Variants in HSPB7 observed in about 807,000 individuals in gnomAD.
HSPB7 encodes heat shock protein beta-7.
Under a neutral mutation model 11.0 loss-of-function variants are expected in HSPB7, and 9 were observed. That is an observed-to-expected ratio of 0.82 (90% confidence interval 0.49 to 1.43). The LOEUF is 1.43. HSPB7 is among the 40% of genes most tolerant of loss of function. The probability of loss-of-function intolerance (pLI) is 0.00; values close to 1 mark genes in which losing one functional copy is unlikely to be tolerated. For synonymous variants in HSPB7, 102 were observed against 101.6 expected, an observed-to-expected ratio of 1.00 and a Z score of -0.02; for missense variants, 246 against 243.9, an observed-to-expected ratio of 1.01 and a Z score of -0.06.
chr1:16,017,859 CG>C lies in HSPB7; in HGVS notation c.104del (p.Pro35ArgfsTer11). On this transcript the variant is annotated frameshift_variant, in exon 1 of 3. Coordinates refer to ENST00000311890, the MANE Select transcript of HSPB7 (RefSeq NM_014424.5). LOFTEE classifies it high-confidence loss of function. ...CCTTCTCCATGGGCGGGTCCTGGGC[CG>C]GGAGAGCACGGGAGGCCGAGGAGGA... ...STSSSASRALPAQDPPMEKAL... is the reference protein window; with the variant it reads ...STSSSASRALXAQDPPMEKAL... The C allele has an allele frequency of 1.2e-6, 2 of 1,613,850 alleles. No individual in the cohort carries two copies. The highest frequency in any genetic ancestry group is 1.7e-6 in the Non-Finnish European group (2 of 1,179,870).
upstream of HSPB7, chr1:16,019,380 C>A (rs986999190): frequency 8.7e-6 from 13 of 1,490,338 alleles, 1 homozygote; most frequent in African/African-American, 1.8e-4. Context: ...GTGACATAGT[C>A]TTCCTGTGTG....
intron 1 of HSPB7, 42 bp downstream of exon 1, chr1:16,017,723 T>G (rs1267481741): frequency 4.7e-6 from 7 of 1,496,002 alleles, no homozygotes; most frequent in African/African-American, 1.4e-5. Context: ...AGACGTCCCC[T>G]CCCTGTGCAC....
At chr1:16,018,878 C>T (rs891833774), upstream of HSPB7, 4 of 1,324,748 alleles carry the variant, frequency 3.0e-6, no homozygotes, top group Non-Finnish European at 3.9e-6. Flanking sequence ...CAGCACGGCC[C>T]CGTTTGATCC....
chr1:16,019,353 C>A, upstream of HSPB7: 1 of 1,445,596 alleles, frequency 6.9e-7, no homozygotes, highest in Non-Finnish European at 9.5e-7. Context: ...CTTTGTCCTC[C>A]CACAGCACCT....
chr1:16,014,664 T>G lies in HSPB7; in HGVS notation c.*916A>C, dbSNP rs2021565737. On this transcript the variant is annotated 3_prime_UTR_variant, in exon 3 of 3. Transcript: ENST00000311890. ...CACACCGAGCCTATAGATTCATAGA[T>G]TAAAGAGGGGGATGGATGGAGAGCT... 6.6e-6 allele frequency: 1 copy of G among 152,060 alleles called. No individual in the cohort carries two copies. The highest frequency in any genetic ancestry group is 2.4e-5 in the African/African-American group (1 of 41,404). 9.4% of individuals were successfully genotyped at this position (152,060 alleles called of 1,614,324 possible).
upstream of HSPB7, chr1:16,019,178 C>A (rs2021967683): frequency 1.3e-6 from 2 of 1,550,412 alleles, no homozygotes; most frequent in African/African-American, 2.7e-5. Context: ...GGCGGCCAGG[C>A]CCTCTGCTCT....
Position 16,016,920 on chromosome 1 carries a change from T to C in HSPB7, c.333+154A>G, listed in dbSNP as rs78799371. ...GTGAGGGGGCCCCATGGCCATGGGT[T>C]GCAGGGACAAGGCCTTCAGTTAGCC... On this transcript the variant is annotated intron_variant, in intron 2 of 2. Transcript: ENST00000311890. 6.9e-4 allele frequency among the ~76,000 whole-genome samples: 105 copies of C among 152,190 alleles called. 1 individual carries two copies. In the East Asian group the frequency reaches 0.019, roughly 27 times the overall value.
chr1:16,018,185 G>A (rs1442775930), upstream of HSPB7: 2 of 1,520,430 alleles, frequency 1.3e-6, no homozygotes, highest in Admixed American at 4.0e-5. Context: ...CCTGCTGACA[G>A]CCCGACACGC....
chr1:16,018,296 C>A, upstream of HSPB7: 1 of 1,320,432 alleles, frequency 7.6e-7, no homozygotes, highest in South Asian at 1.3e-5. Context: ...GTCTCCTTGC[C>A]ACTCGGACCT....
chr1:16,017,542 ACCATGTCCAACC>A, intron 1 of HSPB7: 1 of 592,348 alleles, frequency 1.7e-6, no homozygotes, highest in South Asian at 2.2e-5. Context: ...TGGCCATGGA[ACCATGTCCAACC>A]CCCAGGGCCA....
chr1:16,018,482 C>T (rs560116320), upstream of HSPB7: 5 of 1,119,614 alleles, frequency 4.5e-6, no homozygotes, highest in East Asian at 8.9e-5. Flanking sequence ...GAAGCACCAC[C>T]GCTCTGTGAC....
At chr1:16,016,791 C>T (rs1239568254) in intron 2 of HSPB7, among the ~76,000 whole-genome samples, 1 of 152,146 alleles carries the variant, frequency 6.6e-6, no homozygotes, top group Non-Finnish European at 1.5e-5. Flanking sequence ...CCCTCAGGCT[C>T]CCTCTGCCCA....
At position 16,017,141 on chromosome 1, in the gene HSPB7, C is replaced by G; in HGVS notation, c.266G>C (p.Arg89Thr). ...GDAYEFAVDV[R>T]DFSPEDIIVT... ...AATGATGTCTTCAGGTGAGAAGTCT[C>G]TCACGTCCACCGCAAACTCATAGGC... The change falls in exon 2 of 3, where the codon AGA becomes ACA. Residue 89 changes from arginine to threonine, a missense_variant. Physicochemically the swap from Arg to Thr is moderately conservative, Grantham distance 71. Coordinates refer to ENST00000311890, the MANE Select transcript of HSPB7 (RefSeq NM_014424.5). The G allele has an allele frequency of 3.1e-6, 5 of 1,613,760 alleles. No homozygotes were observed. Among genetic ancestry groups the G allele is most frequent in the Non-Finnish European group, 4.2e-6 (5 of 1,179,754 alleles).
chr1:16,019,210 C>T (rs1455667721), upstream of HSPB7: 3 of 1,550,404 alleles, frequency 1.9e-6, no homozygotes, highest in Admixed American at 3.9e-5. Flanking sequence ...AGTTAAGGGC[C>T]TCTGCTGTCC....
chr1:16,017,766 T>C lies in HSPB7; in HGVS notation c.198A>G (p.Pro66=), dbSNP rs1400132548. 2 of 1,594,662 alleles carry C rather than the reference T, an allele frequency of 1.3e-6. No homozygotes were observed. The highest frequency in any genetic ancestry group is 1.7e-6 in the Non-Finnish European group (2 of 1,171,166). Residue 66 remains proline (P), a splice_region_variant and synonymous_variant, in exon 1 of 3, where the codon CCA becomes CCG. Transcript: ENST00000311890. ...MRPHSEPLAF[P]ARPGGAGNIK... ...CCCCTCAGGGCCCGGATCACTTGCC[T>C]GGGAAGGCCAGGGGCTCCGAGTGGG...
Position 16,015,702 on chromosome 1 carries a change from C to T in HSPB7, c.391G>A (p.Asp131Asn). ...GAGGTCACCGACGTCGGGTCCACGT[C>T]CTCCGGCAGCTGGCACTTGTGAGCG... The part of the protein sequence containing the change: ...TFAHKCQLPE[D>N]VDPTSVTSAL... Residue 131 changes from aspartate to asparagine, a missense_variant, in exon 3 of 3, where the codon GAC becomes AAC. Physicochemically the swap from Asp to Asn is conservative, Grantham distance 23 (BLOSUM62 1). Transcript: ENST00000311890. This position sits in a 1 kb window ranked among gnomAD's most constrained non-coding sequence, Gnocchi z 4.9. The T allele has an allele frequency of 6.2e-7, 1 of 1,612,040 alleles. No homozygotes were observed. The highest frequency in any genetic ancestry group is 2.2e-5 in the East Asian group (1 of 44,836).
chr1:16,017,014 G>A, intron 2 of HSPB7, 60 bp downstream of exon 2: 2 of 1,546,470 alleles, frequency 1.3e-6, no homozygotes, highest in Non-Finnish European at 8.9e-7. Flanking sequence ...AGGGGGAGTA[G>A]GAGACATTGG....
upstream of HSPB7, chr1:16,018,307 C>T (rs372213220): frequency 2.1e-5 from 27 of 1,298,828 alleles, no homozygotes; most frequent in South Asian, 2.8e-4. Context: ...ACTCGGACCT[C>T]GGTGCCTGCC....
chr1:16,017,086 C>T lies in HSPB7; in HGVS notation c.321G>A (p.Val107=), dbSNP rs1489214247. ...IVTTSNNHIE[V]RAEKLAADGT... ...GTGGGGGGCTCACCTTCTCAGCCCG[C>T]ACCTCGATGTGGTTGTTGGAGGTGG... Residue 107 remains valine (V), a synonymous_variant, in exon 2 of 3, where the codon GTG becomes GTA. Transcript: ENST00000311890. The T allele has an allele frequency of 2.5e-6, 4 of 1,610,270 alleles. No homozygotes were observed. The African/African-American group carries it at 5.3e-5, about 22-fold the overall frequency.
Sources: allele counts gnomAD v4.1 joint callset (sites outside exome capture counted in the v4.1 genomes callset), GRCh38; gene constraint gnomAD v4.1.1; non-coding constraint Gnocchi (gnomAD v3.1); transcripts MANE v1.5; gene names NCBI Gene and HGNC (gene_info 2026-07-23, HGNC 2026-07-21).